Variants in ANKRD61 observed in about 807,000 individuals in gnomAD.
The protein encoded by ANKRD61 is ankyrin repeat domain 61.
ANKRD61 carries 7 observed loss-of-function variants against 8.4 expected under a neutral mutation model. That is an observed-to-expected ratio of 0.84 (90% CI 0.48 to 1.57). ANKRD61 has a LOEUF of 1.57. Among genes scored for constraint, ANKRD61 ranks in the 40% most tolerant of loss-of-function variants. The pLI, the probability that ANKRD61 is intolerant of heterozygous loss-of-function variation, is 0.00. For synonymous variants in ANKRD61, 198 were observed against 208.0 expected, an observed-to-expected ratio of 0.95 and a Z score of 0.41; for missense variants, 516 against 523.4, an observed-to-expected ratio of 0.99 and a Z score of 0.14.
Position 6,035,627 on chromosome 7 carries a change from C to T in ANKRD61, c.498C>T (p.Ser166=). ...GAQVNTQGEI[S]NKRSPLHLAI... ...AAGTGAACACTCAAGGGGAAATCAG[C>T]AACAAACGTTCACCACTCCACCTGG... is the stretch of plus-strand genomic sequence containing the variant. Residue 166 remains serine, a synonymous_variant, in exon 3 of 3, where the codon AGC becomes AGT. Coordinates refer to ENST00000409061, the MANE Select transcript of ANKRD61 (RefSeq NM_001271700.2). The surrounding 1 kb of genome is among the most constrained non-coding windows in gnomAD (Gnocchi z 5.5). 6.4e-7 allele frequency: 1 copy of T among 1,550,780 alleles called. No homozygotes were observed.
At chr7:6,031,645 G>T in intron 1 of ANKRD61, 54 bp downstream of exon 1, 3 of 1,526,772 alleles carry the variant, frequency 2.0e-6, no homozygotes, top group Non-Finnish European at 8.9e-7. Context: ...TGCTTAGAAA[G>T]AAGCATGATC....
Position 6,032,898 on chromosome 7 carries a change from G to C in ANKRD61, c.276G>C (p.Leu92=). Residue 92 remains leucine, a synonymous_variant, in exon 2 of 3, where the codon CTG becomes CTC. Coordinates refer to ENST00000409061, the MANE Select transcript of ANKRD61 (RefSeq NM_001271700.2). This position sits in a 1 kb window ranked among gnomAD's most constrained non-coding sequence, Gnocchi z 4.3. ...CCAAGTACCACAAGGCCCAGAGTCT[G>C]CTCTGCCTGTTACGGCACGGTGCTG... ...LAAKYHKAQS[L]LCLLRHGADP... 1 of 1,550,958 alleles carries C rather than the reference G, an allele frequency of 6.4e-7. No individual in the cohort carries two copies. The highest frequency in any genetic ancestry group is 1.2e-5 in the South Asian group (1 of 84,048).
In ANKRD61 at chr7:6,036,262, G is replaced by T. The variant is rs974737599; in HGVS notation, c.1133G>T (p.Gly378Val). The T allele has an allele frequency of 6.5e-7, 1 of 1,549,982 alleles. No individual in the cohort carries two copies. The highest frequency in any genetic ancestry group is 8.7e-7 in the Non-Finnish European group (1 of 1,146,896). ...TCGCAAAAACCTTTATCCCTACAGG[G>T]TATCTGCAAAAGAAACATCAGGAAT... ...KQSQKPLSLQ[G>V]ICKRNIRNIY... Residue 378 changes from glycine to valine, a missense_variant, in exon 3 of 3, where the codon GGT becomes GTT. Gly to Val is a moderately radical substitution (Grantham distance 109). Transcript: ENST00000409061. This position sits in a 1 kb window ranked among gnomAD's most constrained non-coding sequence, Gnocchi z 4.6.
Position 6,036,456 on chromosome 7 carries a change from TC to T in ANKRD61, c.*73del. On this transcript the variant is annotated 3_prime_UTR_variant, in exon 3 of 3. Coordinates refer to ENST00000409061, the MANE Select transcript of ANKRD61 (RefSeq NM_001271700.2). The surrounding 1 kb of genome is among the most constrained non-coding windows in gnomAD (Gnocchi z 4.6). ...AAACTGCATTTTCTGGCTAGACATGTCCCAGAAAATGCTTCACCTATCACCT... is the reference window on the plus strand; with the variant it reads ...AAACTGCATTTTCTGGCTAGACATGTCCAGAAAATGCTTCACCTATCACCT... 1 of 1,143,644 alleles carries T rather than the reference TC, an allele frequency of 8.7e-7. No homozygotes were observed. The highest frequency in any genetic ancestry group is 1.2e-6 in the Non-Finnish European group (1 of 845,858). 70.8% of individuals were successfully genotyped at this position (1,143,644 alleles called of 1,614,324 possible). A position where few individuals can be genotyped will look rare whatever the true frequency, so the allele number is the denominator to read the frequency against.
chr7:6,031,697 T>G (rs2128886247), intron 1 of ANKRD61, 106 bp downstream of exon 1: 30 of 1,079,660 alleles, frequency 2.8e-5, no homozygotes, highest in Non-Finnish European at 3.4e-5. Context: ...CTTATGAGAA[T>G]GAGACACGAC....
intron 2 of ANKRD61, among the ~76,000 whole-genome samples, chr7:6,034,403 C>T (rs1788012432): frequency 6.6e-6 from 1 of 152,136 alleles, no homozygotes; most frequent in Non-Finnish European, 1.5e-5. Context: ...TCCCTGAGCA[C>T]CCCACCCCAG....
rs1243103070 is a variant in ANKRD61, at chr7:6,035,298, C to T, written c.315-146C>T. On this transcript the variant is annotated intron_variant, in intron 2 of 2. Coordinates refer to ENST00000409061, the MANE Select transcript of ANKRD61 (RefSeq NM_001271700.2). The surrounding 1 kb of genome is among the most constrained non-coding windows in gnomAD (Gnocchi z 5.5). ...AACCCTGGGATAGCCTGAGAAACTA[C>T]CCAGCGATACAGATTTTGAAACACG... is the stretch of plus-strand genomic sequence containing the variant. 2.4e-6 allele frequency: 2 copies of T among 817,798 alleles called. No homozygotes were observed. The highest frequency in any genetic ancestry group is 2.7e-5 in the East Asian group (1 of 37,096). 50.7% of individuals were successfully genotyped at this position (817,798 alleles called of 1,614,324 possible).
Position 6,032,714 on chromosome 7 carries a change from A to T in ANKRD61, c.217-125A>T. 1.5e-6 allele frequency: 1 copy of T among 681,406 alleles called. No individual in the cohort carries two copies. The highest frequency in any genetic ancestry group is 1.8e-5 in the African/African-American group (1 of 55,132). 42.2% of individuals were successfully genotyped at this position (681,406 alleles called of 1,614,324 possible). A position where few individuals can be genotyped will look rare whatever the true frequency, so the allele number is the denominator to read the frequency against. ...TAGAAAGGAAACTTTCAATGCACAT[A>T]CCAGAAAAAGAGTGAGCCAATGAGA... On this transcript the variant is annotated intron_variant, in intron 1 of 2. Coordinates refer to ENST00000409061, the MANE Select transcript of ANKRD61 (RefSeq NM_001271700.2). The surrounding 1 kb of genome is among the most constrained non-coding windows in gnomAD (Gnocchi z 4.3).
In ANKRD61 at chr7:6,033,488, T is replaced by G. The variant is rs946231896; in HGVS notation, c.314+552T>G. ...GAGGATTAAGAGCTCAATGGTGGTG[T>G]TGTGAGGAATGCAGTAAAGTCCTTG... On this transcript the variant is annotated intron_variant, in intron 2 of 2. Transcript: ENST00000409061. This position sits in a 1 kb window ranked among gnomAD's most constrained non-coding sequence, Gnocchi z 4.4. 2.6e-5 allele frequency among the ~76,000 whole-genome samples: 4 copies of G among 152,184 alleles called. No individual in the cohort carries two copies. The highest frequency in any genetic ancestry group is 5.9e-5 in the Non-Finnish European group (4 of 68,032).
rs570176800 is a variant in ANKRD61 at position 6,035,583 on chromosome 7, T to C, written c.454T>C (p.Leu152=). The C allele has an allele frequency of 4.5e-6, 7 of 1,551,152 alleles. No homozygotes were observed. Residue 152 remains leucine (L), a synonymous_variant, in exon 3 of 3, where the codon TTG becomes CTG. Transcript: ENST00000409061. This position sits in a 1 kb window ranked among gnomAD's most constrained non-coding sequence, Gnocchi z 5.5. The stretch of plus-strand genomic sequence containing the variant: ...TAGCAGCATCACATGTCTCCGCATC[T>C]TGTGTGCGCACGGAGCTCAAGTGAA... ...QNSSITCLRI[L]CAHGAQVNTQ...
chr7:6,036,445 G>A lies in ANKRD61; in HGVS notation c.*59G>A. On this transcript the variant is annotated 3_prime_UTR_variant, in exon 3 of 3. Transcript: ENST00000409061. This position sits in a 1 kb window ranked among gnomAD's most constrained non-coding sequence, Gnocchi z 4.6. ...TTCAGCCACTCAAACTGCATTTTCTGGCTAGACATGTCCCAGAAAATGCTT... is the reference window on the plus strand; with the variant it reads ...TTCAGCCACTCAAACTGCATTTTCTAGCTAGACATGTCCCAGAAAATGCTT... 7.9e-7 allele frequency: 1 copy of A among 1,264,226 alleles called. No homozygotes were observed. Among genetic ancestry groups the A allele is most frequent in the Non-Finnish European group, 1.1e-6 (1 of 952,280 alleles). The allele number at this position is 1,264,226 out of a possible 1,614,324, so 78.3% of individuals were successfully genotyped here.
chr7:6,036,407 C>T lies in ANKRD61; in HGVS notation c.*21C>T. ...CTTGAAATAAGACCTCCCAGTTTCA[C>T]AGCAGAGGGACTTTCAGCCACTCAA... On this transcript the variant is annotated 3_prime_UTR_variant, in exon 3 of 3. Coordinates refer to ENST00000409061, the MANE Select transcript of ANKRD61 (RefSeq NM_001271700.2). This position sits in a 1 kb window ranked among gnomAD's most constrained non-coding sequence, Gnocchi z 4.6. 9 of 1,436,820 alleles carry T rather than the reference C, an allele frequency of 6.3e-6. No individual in the cohort carries two copies. The highest frequency in any genetic ancestry group is 8.2e-6 in the Non-Finnish European group (9 of 1,095,550). 89.0% of individuals were successfully genotyped at this position (1,436,820 alleles called of 1,614,324 possible).
In ANKRD61 at chr7:6,032,411, T is replaced by G. The variant is rs1013614419; in HGVS notation, c.217-428T>G. Among the ~76,000 whole-genome samples the G allele has an allele frequency of 6.6e-6, 1 of 152,186 alleles. No individual in the cohort carries two copies. Among genetic ancestry groups the G allele is most frequent in the Non-Finnish European group, 1.5e-5 (1 of 68,040 alleles). On this transcript the variant is annotated intron_variant, in intron 1 of 2. Coordinates refer to ENST00000409061, the MANE Select transcript of ANKRD61 (RefSeq NM_001271700.2). The surrounding 1 kb of genome is among the most constrained non-coding windows in gnomAD (Gnocchi z 4.3). ...AGACAGAACATATGCTGCGTTATATTTGAAAACCCTGAAGATTCAGGTTTT... is the reference window on the plus strand; with the variant it reads ...AGACAGAACATATGCTGCGTTATATGTGAAAACCCTGAAGATTCAGGTTTT...
In ANKRD61 at chr7:6,032,938, T is replaced by C. The variant is rs1024355707; in HGVS notation, c.314+2T>C. ...GCACGGTGCTGACCCAGAAGTCAGG[T>C]AAGTTAACTCCACCGAAAATCATTT... On this transcript the variant is annotated splice_donor_variant, in intron 2 of 2. Transcript: ENST00000409061. LOFTEE classifies it high-confidence loss of function. This position sits in a 1 kb window ranked among gnomAD's most constrained non-coding sequence, Gnocchi z 4.3. 1.9e-6 allele frequency: 3 copies of C among 1,548,534 alleles called. No individual in the cohort carries two copies. In the African/African-American group the frequency reaches 4.1e-5, roughly 21 times the overall value.
rs751805787 is a variant in ANKRD61, at chr7:6,032,647, T to A, written c.217-192T>A. Among the ~76,000 whole-genome samples the A allele has an allele frequency of 2.6e-5, 4 of 152,244 alleles. No homozygotes were observed. The highest frequency in any genetic ancestry group is 5.9e-5 in the Non-Finnish European group (4 of 68,040). On this transcript the variant is annotated intron_variant, in intron 1 of 2. Transcript: ENST00000409061. The surrounding 1 kb of genome is among the most constrained non-coding windows in gnomAD (Gnocchi z 4.3). ...GCATTTCTGTGAAACACAGATTTTA[T>A]AGGATGGAATTCACTGAATTTTGAT...
chr7:6,031,692 G>T, intron 1 of ANKRD61, 101 bp downstream of exon 1: 3 of 1,195,812 alleles, frequency 2.5e-6, no homozygotes, highest in Non-Finnish European at 3.5e-6. Flanking sequence ...CGGCCCTTAT[G>T]AGAATGAGAC....
chr7:6,036,454 T>G lies in ANKRD61; in HGVS notation c.*68T>G. On this transcript the variant is annotated 3_prime_UTR_variant, in exon 3 of 3. Transcript: ENST00000409061. This position sits in a 1 kb window ranked among gnomAD's most constrained non-coding sequence, Gnocchi z 4.6. ...TCAAACTGCATTTTCTGGCTAGACA[T>G]GTCCCAGAAAATGCTTCACCTATCA... is the stretch of plus-strand genomic sequence containing the variant. 1 of 1,198,838 alleles carries G rather than the reference T, an allele frequency of 8.3e-7. No individual in the cohort carries two copies. The highest frequency in any genetic ancestry group is 1.1e-6 in the Non-Finnish European group (1 of 895,176). 74.3% of individuals were successfully genotyped at this position (1,198,838 alleles called of 1,614,324 possible).
chr7:6,032,897 T>C lies in ANKRD61; in HGVS notation c.275T>C (p.Leu92Pro). 1 of 1,551,050 alleles carries C rather than the reference T, an allele frequency of 6.4e-7. No individual in the cohort carries two copies. The highest frequency in any genetic ancestry group is 8.7e-7 in the Non-Finnish European group (1 of 1,147,028). ...GCCAAGTACCACAAGGCCCAGAGTC[T>C]GCTCTGCCTGTTACGGCACGGTGCT... is the stretch of plus-strand genomic sequence containing the variant. Reference protein sequence around the residue: ...LAAKYHKAQSLLCLLRHGADP... With the variant: ...LAAKYHKAQSPLCLLRHGADP... The change falls in exon 2 of 3, where the codon CTG (leucine) becomes CCG (proline). Residue 92 changes from leucine (L) to proline (P), a missense_variant. Coordinates refer to ENST00000409061, the MANE Select transcript of ANKRD61 (RefSeq NM_001271700.2). This position sits in a 1 kb window ranked among gnomAD's most constrained non-coding sequence, Gnocchi z 4.3.
In ANKRD61 at chr7:6,035,791, T is replaced by C. The variant is rs752791941; in HGVS notation, c.662T>C (p.Ile221Thr). The change falls in exon 3 of 3, where the codon ATT (isoleucine) becomes ACT (threonine). Residue 221 changes from isoleucine to threonine, a missense_variant. Coordinates refer to ENST00000409061, the MANE Select transcript of ANKRD61 (RefSeq NM_001271700.2). The surrounding 1 kb of genome is among the most constrained non-coding windows in gnomAD (Gnocchi z 5.5). ...MLNKEMMETL[I>T]AYGANVNCAV... ...AATAAGGAGATGATGGAAACGCTCA[T>C]TGCCTATGGAGCAAACGTCAACTGT... The C allele has an allele frequency of 1.1e-4, 166 of 1,550,966 alleles. No homozygotes were observed. The highest frequency in any genetic ancestry group is 2.7e-4 in the African/African-American group (20 of 73,046).
Sources: gnomAD v4.1 joint callset for allele counts (sites outside exome capture counted in the v4.1 genomes callset) on GRCh38, gnomAD v4.1.1 for gene constraint, Gnocchi (gnomAD v3.1) non-coding constraint, MANE v1.5 for transcripts, NCBI Gene and HGNC (gene_info 2026-07-23, HGNC 2026-07-21) for gene names.